Variants in TEC observed in about 807,000 individuals in gnomAD.
TEC encodes the protein tec protein tyrosine kinase.
TEC carries 72 observed loss-of-function variants against 93.0 expected under a neutral mutation model. The ratio of observed to expected loss-of-function variants is 0.77; its 90% CI spans 0.64 to 0.94. TEC has a LOEUF of 0.94. Ranked by LOEUF, TEC falls within the 40% of genes least tolerant of loss-of-function variation. The probability of loss-of-function intolerance (pLI) is 0.00; values close to 1 mark genes in which losing one functional copy is unlikely to be tolerated. For missense variants in TEC, 630 were observed against 757.9 expected (o/e 0.83, Z 1.98); for synonymous variants, 249 against 247.7 (o/e 1.01, Z -0.05).
At chr4:48,172,701 A>T (rs564420781) in intron 3 of TEC, among the ~76,000 whole-genome samples, 28 of 152,360 alleles carry the variant, frequency 1.8e-4, no homozygotes, top group African/African-American at 6.3e-4. Flanking sequence ...AATGAATCGG[A>T]CATGAAGCCT....
chr4:48,212,110 A>AAAAAT lies in TEC; in HGVS notation c.138+16366_138+16367insATTTT. On this transcript the variant is annotated intron_variant, in intron 2 of 17. Transcript: ENST00000381501. ...TGAGACTCTGTCTCAAAAAAAAAAA[A>AAAAAT]ATATATATATATATATATATATGTA... Among the ~76,000 whole-genome samples, 374 of 122,236 alleles carry AAAAAT rather than the reference A, an allele frequency of 3.1e-3. 2 individuals are homozygous for AAAAAT. Among genetic ancestry groups the AAAAAT allele is most frequent in the Non-Finnish European group, 4.4e-3 (263 of 59,518 alleles). 80.2% of individuals were successfully genotyped at this position (122,236 alleles called of 152,430 possible). A position where few individuals can be genotyped will look rare whatever the true frequency, so the allele number is the denominator to read the frequency against.
In TEC at chr4:48,215,682, C is replaced by A. The variant is rs1173271706; in HGVS notation, c.138+12795G>T. 2.0e-5 allele frequency among the ~76,000 whole-genome samples: 3 copies of A among 152,078 alleles called. No individual in the cohort carries two copies. The East Asian group carries it at 5.8e-4, about 29-fold the overall frequency. On this transcript the variant is annotated intron_variant, in intron 2 of 17. Transcript: ENST00000381501. ...TTACAATGGGTTTATCAAGAGGTAACCCTGTCGTAAGACAAAGAGCATCGG... is the reference window on the plus strand; with the variant it reads ...TTACAATGGGTTTATCAAGAGGTAAACCTGTCGTAAGACAAAGAGCATCGG...
chr4:48,236,767 C>T (rs949791737), intron 1 of TEC, among the ~76,000 whole-genome samples: 8 of 152,158 alleles, frequency 5.3e-5, no homozygotes, highest in Non-Finnish European at 1.0e-4. Flanking sequence ...ACTGTATCAC[C>T]GGTGAGAAAC....
chr4:48,140,756 C>T (rs1467024128), intron 15 of TEC, among the ~76,000 whole-genome samples: 1 of 152,064 alleles, frequency 6.6e-6, no homozygotes, highest in African/African-American at 2.4e-5. Context: ...AAATGTGAAA[C>T]CCAAATGAGG....
At position 48,159,333 on chromosome 4, in the gene TEC, G is replaced by A. The variant is rs1028874574; in HGVS notation, c.738-2599C>T. 3.3e-5 allele frequency among the ~76,000 whole-genome samples: 5 copies of A among 152,190 alleles called. 1 individual carries two copies. Among genetic ancestry groups the A allele is most frequent in the Admixed American group, 2.0e-4 (3 of 15,284 alleles). On this transcript the variant is annotated intron_variant, in intron 8 of 17. Transcript: ENST00000381501. ...TCACGTCCGAAGATGAAGGGAGCTG[G>A]CGTGCAGACATTACATGGCAAGACA...
intron 1 of TEC, among the ~76,000 whole-genome samples, chr4:48,268,008 A>G (rs1724684562): frequency 6.6e-6 from 1 of 152,220 alleles, no homozygotes; most frequent in South Asian, 2.1e-4. Flanking sequence ...CCCAAGCGTA[A>G]AAGTAGGCCA....
intron 1 of TEC, among the ~76,000 whole-genome samples, chr4:48,238,493 G>A (rs775605569): frequency 1.6e-4 from 24 of 152,042 alleles, no homozygotes; most frequent in Non-Finnish European, 2.8e-4. Flanking sequence ...TTGAAAGGCC[G>A]GCTGATTTCT....
intron 2 of TEC, among the ~76,000 whole-genome samples, chr4:48,186,357 A>C (rs1049249843): frequency 6.2e-5 from 8 of 129,736 alleles, no homozygotes; most frequent in East Asian, 2.4e-4. Context: ...CCAGCCGCCC[A>C]GTCTGGGAAG....
chr4:48,198,836 C>G (rs768834049), intron 2 of TEC, among the ~76,000 whole-genome samples: 3 of 152,098 alleles, frequency 2.0e-5, no homozygotes, highest in Non-Finnish European at 2.9e-5. Context: ...GGCCACAGAG[C>G]CCTTCTGTTT....
rs751641699 is a variant in TEC, at chr4:48,145,311, T to C, written c.1254-16A>G. On this transcript the variant is annotated splice_polypyrimidine_tract_variant and intron_variant, in intron 13 of 17. Transcript: ENST00000381501. Reference sequence around the variant, plus strand: ...TGTCAGTTTCCTGGGAAGGAAGACATATATATAGTTACTATAGGAAAAGAA... The same window carrying C: ...TGTCAGTTTCCTGGGAAGGAAGACACATATATAGTTACTATAGGAAAAGAA... 29 of 1,613,048 alleles carry C rather than the reference T, an allele frequency of 1.8e-5. No individual in the cohort carries two copies. The Admixed American group carries it at 2.5e-4, about 14-fold the overall frequency.
chr4:48,156,531 C>T, intron 9 of TEC, 149 bp downstream of exon 9: 1 of 593,542 alleles, frequency 1.7e-6, no homozygotes, highest in Non-Finnish European at 2.8e-6. Flanking sequence ...TTTCTTCAGC[C>T]TCTCAGCTCC....
At chr4:48,169,970 A>G (rs1009591635) in intron 5 of TEC, among the ~76,000 whole-genome samples, 1 of 152,200 alleles carries the variant, frequency 6.6e-6, no homozygotes, top group Non-Finnish European at 1.5e-5. Context: ...ATGCTTTTCA[A>G]AGCTGCTGAC....
chr4:48,179,376 A>ATATATATATATAT (rs1560393438), intron 2 of TEC, among the ~76,000 whole-genome samples: 1 of 21,164 alleles, frequency 4.7e-5, no homozygotes, highest in African/African-American at 1.7e-4. Context: ...ATATATATAT[A>ATATATATATATAT]TTTTTTTTTT....
chr4:48,228,448 C>A, intron 2 of TEC, 29 bp downstream of exon 2: 1 of 1,545,298 alleles, frequency 6.5e-7, no homozygotes, highest in Non-Finnish European at 8.7e-7. Context: ...ACATAGAAAG[C>A]AGAAAAGTAA....
In TEC at chr4:48,261,536, T is replaced by C. The variant is rs146710366; in HGVS notation, c.-46+8216A>G. 4.7e-3 allele frequency among the ~76,000 whole-genome samples: 712 copies of C among 152,326 alleles called. 5 individuals carry two copies. The highest frequency in any genetic ancestry group is 0.015 in the African/African-American group (642 of 41,574). ...GGTTGAAACATAATATTGAGGAGTA[T>C]GTGAGGACATTAAGAGTTTCTAAGG... is the stretch of plus-strand genomic sequence containing the variant. On this transcript the variant is annotated intron_variant, in intron 1 of 17. Coordinates refer to ENST00000381501, the MANE Select transcript of TEC (RefSeq NM_003215.3).
At chr4:48,208,857 G>T (rs1722801809) in intron 2 of TEC, among the ~76,000 whole-genome samples, 1 of 152,166 alleles carries the variant, frequency 6.6e-6, no homozygotes, top group Admixed American at 6.5e-5. Flanking sequence ...AAATATTTTT[G>T]TCAAATGAAC....
intron 4 of TEC, 78 bp from the exon 5 acceptor site, chr4:48,170,454 C>T (rs1311311657): frequency 9.9e-7 from 1 of 1,008,640 alleles, no homozygotes; most frequent in African/African-American, 1.6e-5. Flanking sequence ...CAGTGTCGAT[C>T]ATTACTTATT....
chr4:48,172,671 G>A (rs572333545), intron 3 of TEC, among the ~76,000 whole-genome samples: 1 of 152,266 alleles, frequency 6.6e-6, no homozygotes, highest in South Asian at 2.1e-4. Context: ...GCACCTTGCT[G>A]GAACTGCATA....
At chr4:48,262,223 G>C (rs1724515259) in intron 1 of TEC, among the ~76,000 whole-genome samples, 2 of 2,992 alleles carry the variant, frequency 6.7e-4, no homozygotes, top group Admixed American at 0.032. Context: ...TTGAGACGGA[G>C]TCTTGCTCTG....
Sources: gnomAD v4.1 joint callset for allele counts (sites outside exome capture counted in the v4.1 genomes callset) on GRCh38, gnomAD v4.1.1 for gene constraint, MANE v1.5 for transcripts, NCBI Gene and HGNC (gene_info 2026-07-23, HGNC 2026-07-21) for gene names.